Variants in ADARB2 observed in about 807,000 individuals in gnomAD.
ADARB2 encodes inactive double-stranded RNA-specific editase B2.
ADARB2 carries 25 observed loss-of-function variants against 62.2 expected under a neutral mutation model. That is an observed-to-expected ratio of 0.40 (90% CI 0.29 to 0.56). The LOEUF is 0.56. Ranked by LOEUF, ADARB2 falls within the 20% of genes least tolerant of loss-of-function variation. The pLI is 0.43. For synonymous variants in ADARB2, 572 were observed against 500.8 expected, an observed-to-expected ratio of 1.14 and a Z score of -1.90; for missense variants, 1,071 against 1,077.4, an observed-to-expected ratio of 0.99 and a Z score of 0.08.
At chr10:1,351,661 A>G (rs910488198) in intron 3 of ADARB2, among the ~76,000 whole-genome samples, 15 of 151,948 alleles carry the variant, frequency 9.9e-5, no homozygotes, top group African/African-American at 3.4e-4. Flanking sequence ...TTAGTGACCG[A>G]TCATGCACCC....
Position 1,682,239 on chromosome 10 carries a change from T to G in ADARB2, c.100+54812A>C, listed in dbSNP as rs529749552. On this transcript the variant is annotated intron_variant, in intron 1 of 9. Transcript: ENST00000381312. ...ACTGGGCGTCGAAGACCCAGAGGCC[T>G]CAGCACGAAGCCAGCAGCTCATCCA... Among the ~76,000 whole-genome samples the G allele has an allele frequency of 2.6e-5, 4 of 152,266 alleles. No homozygotes were observed. In the East Asian group the frequency reaches 7.7e-4, roughly 29 times the overall value.
chr10:1,439,965 G>A (rs972291539), intron 1 of ADARB2, among the ~76,000 whole-genome samples: 1 of 147,362 alleles, frequency 6.8e-6, no homozygotes, highest in African/African-American at 2.5e-5. Context: ...TCGGTGGACA[G>A]AAGCAGTTTC....
At chr10:1,227,934 T>A (rs774674343) in intron 6 of ADARB2, among the ~76,000 whole-genome samples, 2 of 151,818 alleles carry the variant, frequency 1.3e-5, no homozygotes, top group Non-Finnish European at 2.9e-5. Flanking sequence ...ATTTGATTGA[T>A]GATGATGATG....
chr10:1,707,855 G>A (rs1431291717), intron 1 of ADARB2, among the ~76,000 whole-genome samples: 1 of 152,176 alleles, frequency 6.6e-6, no homozygotes, highest in Non-Finnish European at 1.5e-5. Flanking sequence ...CTTGTTGGGG[G>A]ACCAGCCCGG....
chr10:1,206,248 C>T (rs994609350), intron 7 of ADARB2, among the ~76,000 whole-genome samples: 5 of 152,204 alleles, frequency 3.3e-5, no homozygotes, highest in South Asian at 2.1e-4. Flanking sequence ...TCTCCATTCC[C>T]GGGTCCTAAC....
intron 1 of ADARB2, among the ~76,000 whole-genome samples, chr10:1,533,800 C>A (rs768816642): frequency 6.6e-6 from 1 of 152,138 alleles, no homozygotes; most frequent in Non-Finnish European, 1.5e-5. Flanking sequence ...AAGTCCTGTG[C>A]GGAAGAGAAG....
rs113063730 is a variant in ADARB2, at chr10:1,549,106, G to A, written c.101-169946C>T. Among the ~76,000 whole-genome samples, 856 of 151,972 alleles carry A rather than the reference G, an allele frequency of 5.6e-3. 4 individuals carry two copies. Among genetic ancestry groups the A allele is most frequent in the African/African-American group, 0.019 (787 of 41,468 alleles). ...GTTTCAGTACAGGGTGGGAGCAGAG[G>A]CTGGCGTCCGGTACACGGAGTTCGA... On this transcript the variant is annotated intron_variant, in intron 1 of 9. Transcript: ENST00000381312.
chr10:1,621,852 G>C (rs1833707552), intron 1 of ADARB2, among the ~76,000 whole-genome samples: 1 of 151,668 alleles, frequency 6.6e-6, no homozygotes, highest in Admixed American at 6.6e-5. Flanking sequence ...GATTTTTTTT[G>C]TAGAGAATGT....
chr10:1,632,303 C>T (rs1372464690), intron 1 of ADARB2, among the ~76,000 whole-genome samples: 3 of 152,142 alleles, frequency 2.0e-5, no homozygotes, highest in Non-Finnish European at 4.4e-5. Context: ...CACACATGCG[C>T]ACACACACAG....
At chr10:1,354,332 CTCCTGGCTCA>C (rs1280218869) in intron 3 of ADARB2, among the ~76,000 whole-genome samples, 1 of 152,160 alleles carries the variant, frequency 6.6e-6, no homozygotes, top group Non-Finnish European at 1.5e-5. Flanking sequence ...GAAATTCCTT[CTCCTGGCTCA>C]TCCTGGCTCA....
chr10:1,330,279 G>A (rs1831916804), intron 3 of ADARB2, among the ~76,000 whole-genome samples: 2 of 152,248 alleles, frequency 1.3e-5, no homozygotes, highest in Admixed American at 1.3e-4. Context: ...CATGGCCTCA[G>A]GGCACCATGC....
intron 3 of ADARB2, among the ~76,000 whole-genome samples, chr10:1,355,783 G>A (rs528985129): frequency 1.2e-4 from 18 of 152,230 alleles, no homozygotes; most frequent in African/African-American, 7.2e-5. Context: ...AATGTATATC[G>A]TACATTGCAT....
At chr10:1,717,785 C>T (rs1396345219) in intron 1 of ADARB2, among the ~76,000 whole-genome samples, 2 of 151,992 alleles carry the variant, frequency 1.3e-5, no homozygotes, top group East Asian at 1.9e-4. Context: ...GTCATGTAGG[C>T]TAGGCTGGTC....
Position 1,662,974 on chromosome 10 carries a change from C to T in ADARB2, c.100+74077G>A, listed in dbSNP as rs78399934. Reference sequence around the variant, plus strand: ...CCCAGAGAACTGCCAATCAACCAGACGCGGAACACGACATCACCAGGCAGA... The same window carrying T: ...CCCAGAGAACTGCCAATCAACCAGATGCGGAACACGACATCACCAGGCAGA... On this transcript the variant is annotated intron_variant, in intron 1 of 9. Transcript: ENST00000381312. Among the ~76,000 whole-genome samples, 518 of 152,282 alleles carry T rather than the reference C, an allele frequency of 3.4e-3. 4 individuals carry two copies. Among genetic ancestry groups the T allele is most frequent in the African/African-American group, 0.012 (489 of 41,546 alleles).
chr10:1,200,018 C>T lies in ADARB2; in HGVS notation c.1812G>A (p.Glu604=). The T allele has an allele frequency of 6.3e-7, 1 of 1,587,178 alleles. No individual in the cohort carries two copies. The highest frequency in any genetic ancestry group is 8.5e-7 in the Non-Finnish European group (1 of 1,170,710). ...HLARVMSHRM[E]GVGQLPASYR... ...AGGAGGCGGGCAGCTGGCCGACACCCTCCATGCGGTGGCTCATGACGCGTG... is the reference window on the plus strand; with the variant it reads ...AGGAGGCGGGCAGCTGGCCGACACCTTCCATGCGGTGGCTCATGACGCGTG... Residue 604 remains glutamate (E), a synonymous_variant, in exon 8 of 10, where the codon GAG becomes GAA. Transcript: ENST00000381312.
At chr10:1,519,586 G>A (rs1832048684) in intron 1 of ADARB2, among the ~76,000 whole-genome samples, 1 of 152,184 alleles carries the variant, frequency 6.6e-6, no homozygotes, top group South Asian at 2.1e-4. Flanking sequence ...GGTTCAGGTG[G>A]TGTGGAACGG....
At chr10:1,449,224 A>G (rs759208091) in intron 1 of ADARB2, among the ~76,000 whole-genome samples, 4 of 152,120 alleles carry the variant, frequency 2.6e-5, no homozygotes, top group Non-Finnish European at 4.4e-5. Flanking sequence ...ACTTTCCCAC[A>G]TTTGCCCAAG....
At chr10:1,427,634 A>G (rs1832903248) in intron 1 of ADARB2, among the ~76,000 whole-genome samples, 1 of 152,208 alleles carries the variant, frequency 6.6e-6, no homozygotes, top group Non-Finnish European at 1.5e-5. Context: ...TGGGAAAGTA[A>G]AATGTTACAG....
rs572608838 is a variant in ADARB2 at position 1,261,574 on chromosome 10, G to A, written c.1192+9381C>T. Among the ~76,000 whole-genome samples the A allele has an allele frequency of 5.7e-4, 85 of 150,246 alleles. 6 individuals carry two copies. The highest frequency in any genetic ancestry group is 2.0e-3 in the African/African-American group (81 of 39,548). On this transcript the variant is annotated intron_variant, in intron 4 of 9. Transcript: ENST00000381312. ...ATGCTCATTATCACTGGCCATCAGA[G>A]AAATGCAAATCAAAACCACAATGAG...
Sources: gnomAD v4.1 joint callset for allele counts (sites outside exome capture counted in the v4.1 genomes callset) on GRCh38, gnomAD v4.1.1 for gene constraint, MANE v1.5 for transcripts, NCBI Gene and HGNC (gene_info 2026-07-23, HGNC 2026-07-21) for gene names.